TMIE: variants seen among roughly 807,000 people sequenced by gnomAD.
The protein encoded by TMIE is transmembrane inner ear expressed protein.
A neutral mutation model predicts 16.8 loss-of-function variants in TMIE; 14 were observed. That is an observed-to-expected ratio of 0.83 (90% confidence interval 0.55 to 1.30). The LOEUF is 1.30. Among genes scored for constraint, TMIE ranks in the 50% most tolerant of loss-of-function variants. The pLI is 0.00. For missense variants in TMIE, 204 were observed against 205.9 expected (o/e 0.99, Z 0.06); for synonymous variants, 75 against 87.2 (o/e 0.86, Z 0.78).
At chr3:46,697,327 C>T (rs72899368), upstream of TMIE, among the ~76,000 whole-genome samples, 3,100 of 152,236 alleles carry the variant, frequency 0.02, 88 homozygotes, top group East Asian at 0.088. Flanking sequence ...TTTCTGATTG[C>T]GAGTCTTAAG....
chr3:46,703,045 G>A (rs762006240), intron 1 of TMIE, among the ~76,000 whole-genome samples: 18 of 152,120 alleles, frequency 1.2e-4, no homozygotes, highest in Non-Finnish European at 2.2e-4. Flanking sequence ...ATTGCATTTG[G>A]AGGCCATCTG....
At chr3:46,697,707 C>A (rs1428696262), upstream of TMIE, among the ~76,000 whole-genome samples, 1 of 152,090 alleles carries the variant, frequency 6.6e-6, no homozygotes, top group Non-Finnish European at 1.5e-5. Flanking sequence ...TGTCTTGGGG[C>A]TGGGTGGGCA....
intron 2 of TMIE, among the ~76,000 whole-genome samples, chr3:46,707,617 A>G (rs947870902): frequency 1.3e-5 from 2 of 152,198 alleles, no homozygotes; most frequent in African/African-American, 4.8e-5. Flanking sequence ...CTTATATCCC[A>G]AGCCCCTGCC....
upstream of TMIE, chr3:46,701,297 G>C: frequency 2.2e-6 from 1 of 457,054 alleles, no homozygotes; most frequent in Non-Finnish European, 3.9e-6. The surrounding 1 kb of genome is among the most constrained non-coding windows in gnomAD (Gnocchi z 4.3). Flanking sequence ...CCGGGAAGGA[G>C]GGGGCGGGCC....
intron 1 of TMIE, among the ~76,000 whole-genome samples, chr3:46,703,222 C>G (rs1398410179): frequency 6.6e-6 from 1 of 152,146 alleles, no homozygotes; most frequent in East Asian, 1.9e-4. Context: ...GACCTCCATG[C>G]TCCAGAAATC....
In TMIE at chr3:46,704,520, C is replaced by T. The variant is rs144345541; in HGVS notation, c.94-1270C>T. On this transcript the variant is annotated intron_variant, in intron 1 of 3. Coordinates refer to ENST00000643606, the MANE Select transcript of TMIE (RefSeq NM_147196.3). Reference sequence around the variant, plus strand: ...GGCAGGACCGTGTCCCCTAGACGCCCAGGGCAGGACCGTGTCCCCTAGACG... The same window carrying T: ...GGCAGGACCGTGTCCCCTAGACGCCTAGGGCAGGACCGTGTCCCCTAGACG... Among the ~76,000 whole-genome samples, 399 of 143,538 alleles carry T rather than the reference C, an allele frequency of 2.8e-3. 10 individuals are homozygous for T. The highest frequency in any genetic ancestry group is 2.3e-3 in the Non-Finnish European group (152 of 66,246). The allele number at this position is 143,538 out of a possible 152,430, so 94.2% of individuals were successfully genotyped here.
At chr3:46,707,838 AGGAGGTTCCT>A (rs985040766) in intron 2 of TMIE, among the ~76,000 whole-genome samples, 5 of 152,168 alleles carry the variant, frequency 3.3e-5, no homozygotes, top group Admixed American at 2.0e-4. Flanking sequence ...CATAGTCCCA[AGGAGGTTCCT>A]GGTGGGGTGG....
chr3:46,700,429 C>G (rs1700455972), upstream of TMIE, among the ~76,000 whole-genome samples: 1 of 152,166 alleles, frequency 6.6e-6, no homozygotes, highest in Non-Finnish European at 1.5e-5. Context: ...CCTTGCTGGG[C>G]CATCCCCAGC....
intron 2 of TMIE, 87 bp from the exon 3 acceptor site, chr3:46,709,039 A>T: frequency 6.4e-7 from 1 of 1,563,280 alleles, no homozygotes; most frequent in Non-Finnish European, 8.8e-7. Context: ...ATGTGGGTGG[A>T]TGGGGGCGGG....
At chr3:46,694,411 C>G (rs987945580), upstream of TMIE, 5 of 152,398 alleles carry the variant, frequency 3.3e-5, no homozygotes, top group African/African-American at 1.2e-4. Context: ...AAAGAAGCCC[C>G]CCGTCAGCAG....
chr3:46,702,514 G>A (rs1559495553), intron 1 of TMIE, among the ~76,000 whole-genome samples: 1 of 152,154 alleles, frequency 6.6e-6, no homozygotes, highest in African/African-American at 2.4e-5. Flanking sequence ...GAGGCCAGAG[G>A]GAGAAGGCCC....
At chr3:46,709,312 C>T (rs201293645) in intron 3 of TMIE, 37 bp downstream of exon 3, 6 of 1,613,582 alleles carry the variant, frequency 3.7e-6, no homozygotes, top group Middle Eastern at 1.7e-4. Flanking sequence ...CTGCGCCAGC[C>T]AGTTCCTCAG....
chr3:46,702,665 G>GGAGTACTTGC (rs1700491437), intron 1 of TMIE, among the ~76,000 whole-genome samples: 4 of 152,114 alleles, frequency 2.6e-5, no homozygotes, highest in Non-Finnish European at 5.9e-5. Flanking sequence ...GGACAGTGTG[G>GGAGTACTTGC]GATAGAGAGG....
intron 1 of TMIE, among the ~76,000 whole-genome samples, chr3:46,702,130 G>A (rs1430276932): frequency 5.9e-5 from 9 of 152,114 alleles, no homozygotes; most frequent in Non-Finnish European, 1.2e-4. Context: ...AGCAGGATGA[G>A]GAGACCCTTT....
At chr3:46,697,692 A>G (rs1231127116), upstream of TMIE, among the ~76,000 whole-genome samples, 1 of 152,010 alleles carries the variant, frequency 6.6e-6, no homozygotes, top group Non-Finnish European at 1.5e-5. Context: ...CAGACTGGCA[A>G]CTGGTGTCTT....
At chr3:46,708,475 A>G (rs1575470249) in intron 2 of TMIE, among the ~76,000 whole-genome samples, 2 of 152,300 alleles carry the variant, frequency 1.3e-5, no homozygotes, top group African/African-American at 4.8e-5. Context: ...AACCTGCCCT[A>G]CCCATCCCTA....
upstream of TMIE, among the ~76,000 whole-genome samples, chr3:46,701,038 C>T (rs572532387): frequency 4.6e-5 from 7 of 151,934 alleles, no homozygotes; most frequent in South Asian, 2.1e-4. This position sits in a 1 kb window ranked among gnomAD's most constrained non-coding sequence, Gnocchi z 4.3. Context: ...TCTGCCCCCC[C>T]CCCAAACTCA....
upstream of TMIE, among the ~76,000 whole-genome samples, chr3:46,698,066 T>C (rs1278400085): frequency 6.6e-6 from 1 of 151,954 alleles, no homozygotes. Context: ...GTTTTGTTTC[T>C]TTTTTTTGAG....
At chr3:46,703,809 C>T (rs1700507820) in intron 1 of TMIE, among the ~76,000 whole-genome samples, 1 of 152,116 alleles carries the variant, frequency 6.6e-6, no homozygotes. Flanking sequence ...GATGCCTAAT[C>T]CATGTTTACG....
Sources: gnomAD v4.1 joint callset for allele counts (sites outside exome capture counted in the v4.1 genomes callset) on GRCh38, gnomAD v4.1.1 for gene constraint, Gnocchi (gnomAD v3.1) non-coding constraint, MANE v1.5 for transcripts, NCBI Gene and HGNC (gene_info 2026-07-23, HGNC 2026-07-21) for gene names.